RBFOX1: variants seen among roughly 807,000 people sequenced by gnomAD.
RBFOX1 encodes the protein RNA binding fox-1 homolog 1, also known as RNA binding protein fox-1 homolog 1.
Under a neutral mutation model 57.7 loss-of-function variants are expected in RBFOX1, and 8 were observed. The ratio of observed to expected loss-of-function variants is 0.14; its 90% CI spans 0.08 to 0.25. RBFOX1 has a LOEUF of 0.25. RBFOX1 is among the 10% of genes least tolerant of loss of function. The pLI is 1.00. For missense variants in RBFOX1, 611 were observed against 548.5 expected (o/e 1.11, Z -1.14); for synonymous variants, 326 against 222.4 (o/e 1.47, Z -4.15).
chr16:5,934,112 A>G (rs1335048586), intron 4 of RBFOX1, among the ~76,000 whole-genome samples: 2 of 152,214 alleles, frequency 1.3e-5, no homozygotes, highest in East Asian at 1.9e-4. Flanking sequence ...TCCTGCCACA[A>G]GGTGGTTTTA....
intron 3 of RBFOX1, chr16:5,867,241 CAATT>C (rs1348388994): frequency 3.8e-5 from 42 of 1,104,258 alleles, no homozygotes; most frequent in Admixed American, 4.3e-5. Context: ...TTTAAAAAGA[CAATT>C]AATCCAATTA....
chr16:5,293,263 C>T (rs554619763), intron 1 of RBFOX1, among the ~76,000 whole-genome samples: 24 of 152,192 alleles, frequency 1.6e-4, no homozygotes, highest in African/African-American at 5.5e-4. Flanking sequence ...TGGAGGTGTC[C>T]TGTGTCCACA....
chr16:7,133,666 A>C (rs1302971511), intron 4 of RBFOX1, among the ~76,000 whole-genome samples: 2 of 152,228 alleles, frequency 1.3e-5, no homozygotes, highest in Non-Finnish European at 2.9e-5. Context: ...GGTAGAAAGC[A>C]AAAGCAAAAA....
At chr16:7,215,053 C>G (rs948626462) in intron 4 of RBFOX1, among the ~76,000 whole-genome samples, 3 of 152,152 alleles carry the variant, frequency 2.0e-5, no homozygotes, top group South Asian at 2.1e-4. Context: ...CTCTCCCTCT[C>G]CTTGTCTCCA....
intron 14 of RBFOX1, among the ~76,000 whole-genome samples, chr16:7,696,035 C>G (rs1353496138): frequency 1.3e-5 from 2 of 152,134 alleles, no homozygotes; most frequent in Non-Finnish European, 2.9e-5. Flanking sequence ...TTCACGTTTC[C>G]CAAAGAAAAG....
At chr16:7,568,744 G>A (rs550697003) in intron 5 of RBFOX1, among the ~76,000 whole-genome samples, 4 of 151,894 alleles carry the variant, frequency 2.6e-5, no homozygotes, top group Admixed American at 1.3e-4. Flanking sequence ...AAAATTAGCC[G>A]GGCATGGTGG....
intron 4 of RBFOX1, among the ~76,000 whole-genome samples, chr16:7,061,910 T>C (rs4281733): frequency 0.71 from 107,944 of 151,974 alleles, 39,074 homozygotes; most frequent in East Asian, 0.91. Context: ...AAATAGGGCA[T>C]CTCTAGTTCC....
At chr16:5,797,101 C>A (rs1398576632) in intron 3 of RBFOX1, among the ~76,000 whole-genome samples, 1 of 152,098 alleles carries the variant, frequency 6.6e-6, no homozygotes, top group Non-Finnish European at 1.5e-5. Context: ...GTGAGGTCAT[C>A]TTTGTATAGG....
chr16:6,025,305 C>G (rs1459613926), intron 1 of RBFOX1, among the ~76,000 whole-genome samples: 1 of 152,220 alleles, frequency 6.6e-6, no homozygotes, highest in East Asian at 1.9e-4. Flanking sequence ...CGATTCCCCA[C>G]CACCACCTAC....
chr16:5,791,870 T>G (rs2054710728), intron 3 of RBFOX1, among the ~76,000 whole-genome samples: 1 of 152,202 alleles, frequency 6.6e-6, no homozygotes, highest in African/African-American at 2.4e-5. Flanking sequence ...AAATGGCAAT[T>G]GTCACTGTCA....
chr16:6,800,517 T>G (rs1414964165), intron 3 of RBFOX1, among the ~76,000 whole-genome samples: 1 of 152,088 alleles, frequency 6.6e-6, no homozygotes, highest in Non-Finnish European at 1.5e-5. Context: ...TCCAGGTGAT[T>G]CAAAAGCCGC....
At chr16:5,386,728 C>G (rs772917957) in intron 1 of RBFOX1, among the ~76,000 whole-genome samples, 2 of 152,138 alleles carry the variant, frequency 1.3e-5, no homozygotes, top group Admixed American at 6.5e-5. Context: ...GGAGTTGTTG[C>G]CTCTGTAGCT....
intron 3 of RBFOX1, among the ~76,000 whole-genome samples, chr16:6,849,893 T>G (rs1285202694): frequency 1.3e-5 from 2 of 152,172 alleles, no homozygotes; most frequent in African/African-American, 4.8e-5. Flanking sequence ...GATTTATAAT[T>G]ATTTGTGTGT....
At chr16:5,776,855 A>C (rs1285573838) in intron 3 of RBFOX1, among the ~76,000 whole-genome samples, 4 of 152,226 alleles carry the variant, frequency 2.6e-5, no homozygotes, top group Non-Finnish European at 5.9e-5. Context: ...AAGTGTTCTA[A>C]ATCAGCATCA....
At chr16:7,336,944 T>G (rs1322139364) in intron 4 of RBFOX1, among the ~76,000 whole-genome samples, 1 of 152,200 alleles carries the variant, frequency 6.6e-6, no homozygotes, top group Non-Finnish European at 1.5e-5. Flanking sequence ...AATATTTATG[T>G]GTTTGATTTT....
At chr16:5,429,074 G>A (rs2067650983) in intron 1 of RBFOX1, among the ~76,000 whole-genome samples, 1 of 152,124 alleles carries the variant, frequency 6.6e-6, no homozygotes, top group African/African-American at 2.4e-5. Flanking sequence ...GGTGGCGAAG[G>A]GGACCAGGAA....
intron 5 of RBFOX1, among the ~76,000 whole-genome samples, chr16:7,558,032 A>C (rs1223515297): frequency 6.6e-6 from 1 of 152,168 alleles, no homozygotes; most frequent in African/African-American, 2.4e-5. Flanking sequence ...TTAATATTCA[A>C]AACTCATTAT....
chr16:7,417,582 A>C (rs1597930190), intron 4 of RBFOX1, among the ~76,000 whole-genome samples: 1 of 149,252 alleles, frequency 6.7e-6, no homozygotes. Flanking sequence ...GCAATGTCTC[A>C]CCCATGTAGC....
At chr16:5,495,124 A>G (rs1377015199) in intron 2 of RBFOX1, among the ~76,000 whole-genome samples, 1 of 152,220 alleles carries the variant, frequency 6.6e-6, no homozygotes, top group Non-Finnish European at 1.5e-5. Flanking sequence ...GCCTCAGGAA[A>G]CTTGCAGTCA....
Sources: allele counts gnomAD v4.1 joint callset (sites outside exome capture counted in the v4.1 genomes callset), GRCh38; gene constraint gnomAD v4.1.1; transcripts MANE v1.5; gene names NCBI Gene and HGNC (gene_info 2026-07-23, HGNC 2026-07-21).